The following ARL8B variants were observed in gnomAD, a reference collection of about 807,000 sequenced individuals.
ARL8B encodes ADP-ribosylation factor-like protein 8B.
A neutral mutation model predicts 30.6 loss-of-function variants in ARL8B; 9 were observed. The observed-to-expected ratio is 0.29, with a 90% CI of 0.18 to 0.51. The LOEUF is 0.51. ARL8B is among the 20% of genes least tolerant of loss of function. ARL8B has a pLI of 0.97. For missense variants in ARL8B, 130 were observed against 227.2 expected (o/e 0.57, Z 2.75); for synonymous variants, 74 against 76.0 (o/e 0.97, Z 0.14).
At chr3:5,165,438 C>T (rs1295391313) in intron 1 of ARL8B, among the ~76,000 whole-genome samples, 2 of 152,092 alleles carry the variant, frequency 1.3e-5, no homozygotes, top group East Asian at 1.9e-4. Context: ...TTTAGTTGGT[C>T]ATATCCTCTC....
At chr3:5,128,421 C>G in intron 1 of ARL8B, 1 of 451,998 alleles carries the variant, frequency 2.2e-6, no homozygotes, top group Non-Finnish European at 4.4e-6. Flanking sequence ...AAGTTTTCTA[C>G]CCTTCATCCC....
chr3:5,170,614 A>G (rs1282324477), intron 2 of ARL8B, 31 bp downstream of exon 2: 2 of 1,546,566 alleles, frequency 1.3e-6, no homozygotes, highest in Non-Finnish European at 1.8e-6. Context: ...CGCAATTTAA[A>G]TTGTTAGCAC....
chr3:5,158,647 G>T (rs917238722), intron 1 of ARL8B, among the ~76,000 whole-genome samples: 1 of 152,118 alleles, frequency 6.6e-6, no homozygotes, highest in Non-Finnish European at 1.5e-5. Flanking sequence ...AACACTGCCT[G>T]TATATCATTG....
intron 1 of ARL8B, among the ~76,000 whole-genome samples, chr3:5,164,396 A>G (rs1208599733): frequency 1.3e-5 from 2 of 152,218 alleles, no homozygotes; most frequent in Non-Finnish European, 2.9e-5. Context: ...GTAGTATTTG[A>G]TTATTTCTAT....
At chr3:5,124,623 C>G (rs1019934309) in intron 1 of ARL8B, among the ~76,000 whole-genome samples, 2 of 151,980 alleles carry the variant, frequency 1.3e-5, no homozygotes, top group African/African-American at 4.8e-5. Flanking sequence ...TGTGCTACCA[C>G]CATGGCTCGC....
rs1261268629 is a variant in ARL8B at position 5,122,512 on chromosome 3, T to A, written c.47T>A (p.Phe16Tyr). The A allele has an allele frequency of 6.2e-7, 1 of 1,613,642 alleles. No individual in the cohort carries two copies. The highest frequency in any genetic ancestry group is 1.7e-5 in the Admixed American group (1 of 60,000). Residue 16 changes from phenylalanine to tyrosine, a missense_variant, in exon 1 of 7, where the codon TTC becomes TAC. Physicochemically the swap from Phe to Tyr is conservative, Grantham distance 22 (BLOSUM62 3). Transcript: ENST00000256496. Reference protein sequence around the residue: ...SRLLDWFRSLFWKEEMELTLV... With the variant: ...SRLLDWFRSLYWKEEMELTLV... Reference sequence around the variant, plus strand: ...CTGCTGGACTGGTTCCGTTCGCTCTTCTGGAAGGAAGAGATGGAGCTGACG... The same window carrying A: ...CTGCTGGACTGGTTCCGTTCGCTCTACTGGAAGGAAGAGATGGAGCTGACG...
intron 4 of ARL8B, among the ~76,000 whole-genome samples, chr3:5,173,310 C>T (rs2054693288): frequency 6.6e-6 from 1 of 152,162 alleles, no homozygotes; most frequent in Non-Finnish European, 1.5e-5. Flanking sequence ...CTCTAGAATA[C>T]ATTTAGGAAT....
chr3:5,162,346 C>T (rs553849580), intron 1 of ARL8B, among the ~76,000 whole-genome samples: 1 of 152,354 alleles, frequency 6.6e-6, no homozygotes, highest in African/African-American at 2.4e-5. Flanking sequence ...CCACAGTCTA[C>T]GCAGGGTGCC....
intron 1 of ARL8B, among the ~76,000 whole-genome samples, chr3:5,151,912 A>G (rs1369533758): frequency 6.6e-6 from 1 of 152,070 alleles, no homozygotes; most frequent in Non-Finnish European, 1.5e-5. Flanking sequence ...TTTTTTGTAG[A>G]GACCGAGTCT....
chr3:5,172,303 G>A (rs184478375), intron 3 of ARL8B, 80 bp downstream of exon 3: 2 of 1,270,134 alleles, frequency 1.6e-6, no homozygotes, highest in African/African-American at 1.5e-5. Flanking sequence ...TATTTCCAGA[G>A]GCTCAATTTT....
At chr3:5,170,721 T>G in intron 2 of ARL8B, 138 bp downstream of exon 2, 2 of 612,722 alleles carry the variant, frequency 3.3e-6, no homozygotes, top group Non-Finnish European at 5.5e-6. Context: ...AATAGGTTTT[T>G]TTGTTGTTGT....
intron 1 of ARL8B, among the ~76,000 whole-genome samples, chr3:5,159,110 G>A (rs995229079): frequency 2.0e-5 from 3 of 151,290 alleles, no homozygotes; most frequent in South Asian, 2.1e-4. Context: ...GCACCACCAC[G>A]CCTGGCTCAA....
intron 1 of ARL8B, among the ~76,000 whole-genome samples, chr3:5,127,872 CAAAAAAAA>C (rs748657502): frequency 5.7e-4 from 6 of 10,578 alleles, no homozygotes; most frequent in Middle Eastern, 0.038. Context: ...GACTCCGTCT[CAAAAAAAA>C]AAAAAAAAAA....
intron 1 of ARL8B, among the ~76,000 whole-genome samples, chr3:5,126,916 T>G (rs971592757): frequency 2.0e-5 from 3 of 152,226 alleles, no homozygotes; most frequent in African/African-American, 7.2e-5. Flanking sequence ...AAAAAATATC[T>G]AATAGGATTT....
intron 1 of ARL8B, among the ~76,000 whole-genome samples, chr3:5,128,969 T>C (rs1329372381): frequency 7.2e-5 from 11 of 152,060 alleles, no homozygotes; most frequent in Admixed American, 7.2e-4. Flanking sequence ...CTTGTGGATA[T>C]GCCATAACAT....
rs1206258814 is a variant in ARL8B at position 5,151,266 on chromosome 3, C to T, written c.124-19237C>T. Among the ~76,000 whole-genome samples, 4 of 151,968 alleles carry T rather than the reference C, an allele frequency of 2.6e-5. No individual in the cohort carries two copies. The East Asian group carries it at 7.7e-4, about 29-fold the overall frequency. ...GGGGGCTTAGATTGTTAATTTGAGA[C>T]ATTTCTTCTTTTCTAATATAAGCAT... On this transcript the variant is annotated intron_variant, in intron 1 of 6. Coordinates refer to ENST00000256496, the MANE Select transcript of ARL8B (RefSeq NM_018184.3).
At chr3:5,124,028 C>A (rs1333810149) in intron 1 of ARL8B, among the ~76,000 whole-genome samples, 4 of 152,106 alleles carry the variant, frequency 2.6e-5, no homozygotes, top group Non-Finnish European at 5.9e-5. Context: ...CGTCCTCCAC[C>A]ACGCCCGGCT....
intron 1 of ARL8B, among the ~76,000 whole-genome samples, chr3:5,126,364 A>G (rs568922066): frequency 1.3e-5 from 2 of 152,206 alleles, no homozygotes; most frequent in Non-Finnish European, 2.9e-5. Flanking sequence ...GTGTCACTCT[A>G]GAAAGGTGAC....
intron 1 of ARL8B, among the ~76,000 whole-genome samples, chr3:5,158,051 C>T (rs565993456): frequency 6.6e-6 from 1 of 152,218 alleles, no homozygotes; most frequent in South Asian, 2.1e-4. Context: ...TCTCAGCTCA[C>T]TGCAGCCTCC....
Sources: allele counts gnomAD v4.1 joint callset (sites outside exome capture counted in the v4.1 genomes callset), GRCh38; gene constraint gnomAD v4.1.1; transcripts MANE v1.5; gene names NCBI Gene and HGNC (gene_info 2026-07-23, HGNC 2026-07-21).